EHBP1: variants seen among roughly 807,000 people sequenced by gnomAD.
EHBP1 encodes EH domain binding protein 1.
A neutral mutation model predicts 144.0 loss-of-function variants in EHBP1; 55 were observed. The observed-to-expected ratio is 0.38, with a 90% confidence interval of 0.31 to 0.48. EHBP1 has a LOEUF of 0.48. Ranked by LOEUF, EHBP1 falls within the 20% of genes least tolerant of loss-of-function variation. EHBP1 has a pLI of 0.98. For missense variants in EHBP1, 1,200 were observed against 1,364.2 expected (o/e 0.88, Z 1.90); for synonymous variants, 469 against 472.7 (o/e 0.99, Z 0.10).
intron 10 of EHBP1, among the ~76,000 whole-genome samples, chr2:62,911,682 G>A (rs1471225275): frequency 1.3e-5 from 2 of 152,084 alleles, no homozygotes; most frequent in Non-Finnish European, 2.9e-5. Context: ...GGCTGGTCTC[G>A]AACTCCTGAC....
intron 14 of EHBP1, among the ~76,000 whole-genome samples, chr2:62,964,114 T>A (rs1236431690): frequency 6.6e-6 from 1 of 152,224 alleles, no homozygotes; most frequent in Non-Finnish European, 1.5e-5. Context: ...CAATAGTTAC[T>A]AGACTTCTTA....
At chr2:62,901,825 G>T (rs1456442299) in intron 10 of EHBP1, among the ~76,000 whole-genome samples, 1 of 151,868 alleles carries the variant, frequency 6.6e-6, no homozygotes, top group African/African-American at 2.4e-5. Flanking sequence ...AATCAGCAGG[G>T]CGTGGCAGCG....
At chr2:62,744,639 A>G (rs1308477281) in intron 2 of EHBP1, among the ~76,000 whole-genome samples, 3 of 152,152 alleles carry the variant, frequency 2.0e-5, no homozygotes, top group African/African-American at 2.4e-5. Flanking sequence ...TTCATAAATA[A>G]GTGACTTTTG....
chr2:62,837,142 C>G (rs1470806781), intron 7 of EHBP1, among the ~76,000 whole-genome samples: 2 of 147,288 alleles, frequency 1.4e-5, no homozygotes, highest in Non-Finnish European at 3.0e-5. Flanking sequence ...GCGGATCTCT[C>G]GGCAGAAACC....
Position 63,045,783 on chromosome 2 carries a change from G to A in EHBP1, c.*283G>A. On this transcript the variant is annotated 3_prime_UTR_variant, in exon 23 of 23. Transcript: ENST00000431489. The surrounding 1 kb of genome is among the most constrained non-coding windows in gnomAD (Gnocchi z 5.7). ...ACCTTGTGAGTGATTGGTATTGGAG[G>A]TGTTCAAGAAACTGTTCGAAAAAGA... The A allele has an allele frequency of 3.3e-6, 1 of 298,916 alleles. No homozygotes were observed. Among genetic ancestry groups the A allele is most frequent in the Non-Finnish European group, 6.3e-6 (1 of 159,014 alleles). 18.5% of individuals were successfully genotyped at this position (298,916 alleles called of 1,614,324 possible). A position where few individuals can be genotyped will look rare whatever the true frequency, so the allele number is the denominator to read the frequency against.
chr2:62,809,865 G>C (rs980941546), intron 5 of EHBP1, among the ~76,000 whole-genome samples: 1 of 151,938 alleles, frequency 6.6e-6, no homozygotes, highest in African/African-American at 2.4e-5. Flanking sequence ...TTTTTTTGCT[G>C]TCCTGTACAA....
At chr2:63,037,875 T>C (rs2061505994) in intron 20 of EHBP1, among the ~76,000 whole-genome samples, 1 of 152,158 alleles carries the variant, frequency 6.6e-6, no homozygotes, top group Non-Finnish European at 1.5e-5. Context: ...TAAACAATTA[T>C]TGTATTTAAG....
chr2:62,707,394 G>T (rs984552470), intron 2 of EHBP1, 99 bp downstream of exon 2: 2 of 848,742 alleles, frequency 2.4e-6, no homozygotes, highest in Non-Finnish European at 3.9e-6. Flanking sequence ...TTTCTATAGT[G>T]CACTAGTGTG....
At chr2:62,832,139 G>C (rs1207406785) in intron 7 of EHBP1, among the ~76,000 whole-genome samples, 1 of 151,944 alleles carries the variant, frequency 6.6e-6, no homozygotes, top group Non-Finnish European at 1.5e-5. Flanking sequence ...TTTATTATTT[G>C]GCCCAACCAT....
At chr2:62,761,221 A>G (rs943879511) in intron 3 of EHBP1, among the ~76,000 whole-genome samples, 4 of 152,124 alleles carry the variant, frequency 2.6e-5, no homozygotes, top group Non-Finnish European at 4.4e-5. Flanking sequence ...TAGGGCTGTC[A>G]ACAGACATGG....
chr2:62,734,325 TA>T (rs556748303), intron 2 of EHBP1, among the ~76,000 whole-genome samples: 2 of 151,456 alleles, frequency 1.3e-5, no homozygotes, highest in South Asian at 2.1e-4. Context: ...TTTCCTTTTT[TA>T]AAAAAAACAT....
intron 10 of EHBP1, among the ~76,000 whole-genome samples, chr2:62,910,259 ATATAGTTTG>A (rs1317373007): frequency 1.3e-5 from 2 of 152,206 alleles, no homozygotes; most frequent in Non-Finnish European, 2.9e-5. Flanking sequence ...AACTCAGTTT[ATATAGTTTG>A]TACCATACTA....
At chr2:62,758,525 A>G (rs936478441) in intron 3 of EHBP1, among the ~76,000 whole-genome samples, 8 of 152,174 alleles carry the variant, frequency 5.3e-5, no homozygotes, top group Non-Finnish European at 1.2e-4. Context: ...TCAGGCTGCA[A>G]TTGATTTGTA....
intron 7 of EHBP1, among the ~76,000 whole-genome samples, chr2:62,847,598 C>G (rs964820013): frequency 2.0e-5 from 3 of 152,124 alleles, no homozygotes; most frequent in Non-Finnish European, 4.4e-5. Context: ...TACTGGGAGG[C>G]TGAGGTGGGA....
At chr2:62,940,083 G>T in intron 10 of EHBP1, 1 of 432,500 alleles carries the variant, frequency 2.3e-6, no homozygotes, top group Admixed American at 2.4e-5. Context: ...CAAAGTGAAA[G>T]GACCAGTTGG....
chr2:63,004,597 T>A (rs1208668915), intron 19 of EHBP1, among the ~76,000 whole-genome samples: 1 of 152,078 alleles, frequency 6.6e-6, no homozygotes, highest in East Asian at 1.9e-4. Flanking sequence ...GATAATAACT[T>A]CAATAAAATA....
intron 7 of EHBP1, among the ~76,000 whole-genome samples, chr2:62,845,961 G>C (rs1341920859): frequency 1.3e-5 from 2 of 152,074 alleles, no homozygotes; most frequent in East Asian, 3.8e-4. Flanking sequence ...AAGTTTATAA[G>C]GTATCATAGC....
intron 19 of EHBP1, among the ~76,000 whole-genome samples, chr2:63,014,147 A>T (rs1470323074): frequency 1.3e-5 from 2 of 152,228 alleles, no homozygotes; most frequent in Non-Finnish European, 2.9e-5. Flanking sequence ...TCATCATTGC[A>T]TAGTTTGGAG....
intron 14 of EHBP1, among the ~76,000 whole-genome samples, chr2:62,976,480 TA>T (rs2058719651): frequency 1.3e-5 from 2 of 152,216 alleles, no homozygotes; most frequent in Admixed American, 6.5e-5. Flanking sequence ...ATTGCCCTTT[TA>T]AAATTTTCAG....
Sources: allele counts gnomAD v4.1 joint callset (sites outside exome capture counted in the v4.1 genomes callset), GRCh38; gene constraint gnomAD v4.1.1; non-coding constraint Gnocchi (gnomAD v3.1); transcripts MANE v1.5; gene names NCBI Gene and HGNC (gene_info 2026-07-23, HGNC 2026-07-21).